Variants in HERC2 observed in about 807,000 individuals in gnomAD.
HERC2 encodes HECT and RLD domain containing E3 ubiquitin protein ligase 2.
Under a neutral mutation model 537.7 loss-of-function variants are expected in HERC2, and 102 were observed. That is an observed-to-expected ratio of 0.19 (90% confidence interval 0.16 to 0.22). The LOEUF is 0.22. HERC2 is among the 10% of genes least tolerant of loss of function. HERC2 has a pLI of 1.00. For synonymous variants in HERC2, 2,224 were observed against 2,466.2 expected (o/e 0.90, Z 2.91); for missense variants, 4,236 against 6,198.2 (o/e 0.68, Z 10.63).
chr15:28,239,379 G>A (rs1902810223), intron 23 of HERC2, among the ~76,000 whole-genome samples: 1 of 152,076 alleles, frequency 6.6e-6, no homozygotes, highest in Non-Finnish European at 1.5e-5. Context: ...GAAAACCTGA[G>A]TGGTGGTCAC....
In HERC2 at chr15:28,140,190, G is replaced by A. The variant is rs1251742399; in HGVS notation, c.12015+1242C>T. 2.0e-5 allele frequency among the ~76,000 whole-genome samples: 3 copies of A among 152,210 alleles called. No homozygotes were observed. The East Asian group carries it at 5.8e-4, about 30-fold the overall frequency. On this transcript the variant is annotated intron_variant, in intron 78 of 92. Coordinates refer to ENST00000261609, the MANE Select transcript of HERC2 (RefSeq NM_004667.6). ...AAACAGAAGGAAACATGCCTAATCT[G>A]ATCAAGGGCTTCTACTCAAACCCCA...
chr15:28,112,049 A>C lies in HERC2; in HGVS notation c.14233-14T>G. On this transcript the variant is annotated splice_polypyrimidine_tract_variant and intron_variant, in intron 92 of 92. Transcript: ENST00000261609. ...TTTATCCAACACCTGTTGAGCAGAAACATGAAGTGATTAGAAATTGAGTAC... is the reference window on the plus strand; with the variant it reads ...TTTATCCAACACCTGTTGAGCAGAACCATGAAGTGATTAGAAATTGAGTAC... 1 of 1,610,432 alleles carries C rather than the reference A, an allele frequency of 6.2e-7. No homozygotes were observed. The highest frequency in any genetic ancestry group is 1.1e-5 in the South Asian group (1 of 91,006).
intron 56 of HERC2, among the ~76,000 whole-genome samples, chr15:28,184,916 G>A (rs987844552): frequency 3.4e-4 from 1 of 2,918 alleles, no homozygotes; most frequent in African/African-American, 1.1e-3. Context: ...TAGCTACTGA[G>A]TAAGAAAATG....
chr15:28,167,322 A>T (rs1307937070), intron 68 of HERC2, among the ~76,000 whole-genome samples: 4 of 152,332 alleles, frequency 2.6e-5, no homozygotes, highest in African/African-American at 9.6e-5. Flanking sequence ...GTCTGTCAAA[A>T]CGAAGAACTG....
At chr15:28,274,596 CTG>C in intron 6 of HERC2, 149 bp from the exon 7 acceptor site, 2 of 788,692 alleles carry the variant, frequency 2.5e-6, no homozygotes, top group South Asian at 1.8e-5. Context: ...CCAGTCAATT[CTG>C]TGTTTCACGG....
chr15:28,313,047 A>G (rs1167445628), intron 2 of HERC2, among the ~76,000 whole-genome samples: 1 of 151,924 alleles, frequency 6.6e-6, no homozygotes, highest in Non-Finnish European at 1.5e-5. Flanking sequence ...AAGAGGCCCA[A>G]CTCCAAGGCT....
intron 16 of HERC2, among the ~76,000 whole-genome samples, chr15:28,258,728 A>G (rs1416345866): frequency 6.6e-6 from 1 of 152,222 alleles, no homozygotes; most frequent in Admixed American, 6.5e-5. Context: ...GGGACAAATG[A>G]CAAGACAAAA....
chr15:28,124,149 A>G lies in HERC2; in HGVS notation c.13076T>C (p.Leu4359Pro). Residue 4359 changes from leucine to proline, a missense_variant, in exon 85 of 93, where the codon CTC becomes CCC. Physicochemically the swap from Leu to Pro is moderately conservative, Grantham distance 98. This residue lies in a region of HERC2 where 189 missense variants were observed against 255.7 expected (regional missense o/e 0.74). Coordinates refer to ENST00000261609, the MANE Select transcript of HERC2 (RefSeq NM_004667.6). ...RLLLLHHLSE[L>P]FCPCIPMFDL... ...GAACATGGGGATGCAGGGGCAGAAG[A>G]GCTCGGAGAGGTGGTGCAGCAGCAG... The G allele has an allele frequency of 6.3e-7, 1 of 1,593,428 alleles. No individual in the cohort carries two copies. The highest frequency in any genetic ancestry group is 8.5e-7 in the Non-Finnish European group (1 of 1,169,874).
chr15:28,149,334 T>C (rs1490373578), intron 70 of HERC2, among the ~76,000 whole-genome samples: 1 of 142,454 alleles, frequency 7.0e-6, no homozygotes, highest in Non-Finnish European at 1.5e-5. Flanking sequence ...CACACCAACA[T>C]ACATTCTAGT....
At chr15:28,116,576 T>C in intron 88 of HERC2, 89 bp downstream of exon 88, 1 of 1,266,034 alleles carries the variant, frequency 7.9e-7, no homozygotes, top group Non-Finnish European at 1.1e-6. Flanking sequence ...TCAAGATATC[T>C]ACTGTCACTC....
rs769976494 is a variant in HERC2 at position 28,130,174 on chromosome 15, C to T, written c.12791G>A (p.Cys4264Tyr). 1 of 1,614,176 alleles carries T rather than the reference C, an allele frequency of 6.2e-7. No homozygotes were observed. Among genetic ancestry groups the T allele is most frequent in the Admixed American group, 1.7e-5 (1 of 60,036 alleles). The change falls in exon 83 of 93, where the codon TGC (cysteine) becomes TAC (tyrosine). Residue 4264 changes from cysteine (C) to tyrosine (Y), a missense_variant. Cys to Tyr is a radical substitution (Grantham distance 194, BLOSUM62 -2). This residue lies in a region of HERC2 where 189 missense variants were observed against 255.7 expected (regional missense o/e 0.74). Coordinates refer to ENST00000261609, the MANE Select transcript of HERC2 (RefSeq NM_004667.6). ...IATGSLHCVC[C>Y]TEDGEVYTWG... ...GAGCCCCTACCTACCATCCTCTGTG[C>T]AGCACACACAGTGCAGGGAGCCAGT...
chr15:28,186,586 T>C lies in HERC2; in HGVS notation c.8816A>G (p.Asn2939Ser). ...AACAAATGGTTCTCACCTTCCGCTG[T>C]TGCCTTTCTCATCCTCCTCCTCTTC... ...DNEEEEDEKG[N>S]SGSLIRKKAA... Residue 2939 changes from asparagine (N) to serine (S), a missense_variant, in exon 56 of 93, where the codon AAC (asparagine) becomes AGC (serine). By Grantham distance (46) the Asn-to-Ser change is conservative (BLOSUM62 1). This residue lies in a region of HERC2 where 606 missense variants were observed against 884.5 expected (regional missense o/e 0.69). Coordinates refer to ENST00000261609, the MANE Select transcript of HERC2 (RefSeq NM_004667.6). The C allele has an allele frequency of 6.2e-7, 1 of 1,613,900 alleles. No individual in the cohort carries two copies. The highest frequency in any genetic ancestry group is 8.5e-7 in the Non-Finnish European group (1 of 1,179,906).
intron 78 of HERC2, among the ~76,000 whole-genome samples, chr15:28,139,578 A>G (rs1301172226): frequency 1.3e-5 from 2 of 152,242 alleles, no homozygotes; most frequent in Non-Finnish European, 2.9e-5. Context: ...ACTATGAAAT[A>G]ATAAATGTGT....
Position 28,122,183 on chromosome 15 carries a change from C to T in HERC2, c.13189-754G>A, listed in dbSNP as rs73379639. On this transcript the variant is annotated intron_variant, in intron 85 of 92. Coordinates refer to ENST00000261609, the MANE Select transcript of HERC2 (RefSeq NM_004667.6). The surrounding 1 kb of genome is among the most constrained non-coding windows in gnomAD (Gnocchi z 4.1). ...AGTGCCTGGGGTGAAGACAGCAGGG[C>T]GTGGCCAAACATCAGCACCACGGTG... is the stretch of plus-strand genomic sequence containing the variant. Among the ~76,000 whole-genome samples, 11,381 of 151,868 alleles carry T rather than the reference C, an allele frequency of 0.075. 1,521 individuals carry two copies. Among genetic ancestry groups the T allele is most frequent in the African/African-American group, 0.26 (10,873 of 41,162 alleles).
rs777425437 is a variant in HERC2 at position 28,132,776 on chromosome 15, A to G, written c.12285T>C (p.Asp4095=). 2 of 1,606,732 alleles carry G rather than the reference A, an allele frequency of 1.2e-6. No homozygotes were observed. Among genetic ancestry groups the G allele is most frequent in the Non-Finnish European group, 8.5e-7 (1 of 1,176,796 alleles). ...CGCTGTGGGCTCCGCCAGCAGCAAC[A>G]TCGACCACTTCAATTCCTCTCAGAG... ...IESLRGIEVV[D]VAAGGAHSAC... Residue 4095 remains aspartate (D), a synonymous_variant, in exon 80 of 93, where the codon GAT becomes GAC. Transcript: ENST00000261609.
rs1319438765 is a variant in HERC2, at chr15:28,245,604, CAGAT to C, written c.3577+273_3577+276del. ...ACACACACACACACACACACACACA[CAGAT>C]ATATATATACACACACATATATGTA... On this transcript the variant is annotated intron_variant, in intron 23 of 92. Coordinates refer to ENST00000261609, the MANE Select transcript of HERC2 (RefSeq NM_004667.6). Among the ~76,000 whole-genome samples the C allele has an allele frequency of 5.6e-3, 732 of 131,074 alleles. 5 individuals are homozygous for C. Among genetic ancestry groups the C allele is most frequent in the Non-Finnish European group, 7.1e-3 (472 of 66,430 alleles). The allele number at this position is 131,074 out of a possible 152,430, so 86.0% of individuals were successfully genotyped here.
At chr15:28,311,677 G>A in intron 2 of HERC2, among the ~76,000 whole-genome samples, 1 of 151,938 alleles carries the variant, frequency 6.6e-6, no homozygotes, top group Non-Finnish European at 1.5e-5. Context: ...CAGGGCTAGA[G>A]ACTCAAATCT....
At chr15:28,121,568 G>T in intron 85 of HERC2, 139 bp from the exon 86 acceptor site, 1 of 719,276 alleles carries the variant, frequency 1.4e-6, no homozygotes, top group Non-Finnish European at 2.4e-6. Flanking sequence ...CTTTTCTCAA[G>T]TTGTGAGGGT....
chr15:28,167,823 A>T lies in HERC2; in HGVS notation c.10418T>A (p.Val3473Asp). The change falls in exon 68 of 93, where the codon GTT becomes GAT. Residue 3473 changes from valine (V) to aspartate (D), a missense_variant. Coordinates refer to ENST00000261609, the MANE Select transcript of HERC2 (RefSeq NM_004667.6). ...PNPWQEKREI[V>D]SSEDAVTPSA... ...GGGGGTCACTGCGTCCTCAGAGGAA[A>T]CAATCTAGTCCAAGAGTGCACAGTA... 1 of 1,612,642 alleles carries T rather than the reference A, an allele frequency of 6.2e-7. No homozygotes were observed. Among genetic ancestry groups the T allele is most frequent in the Non-Finnish European group, 8.5e-7 (1 of 1,179,636 alleles).
Sources: gnomAD v4.1 joint callset for allele counts (sites outside exome capture counted in the v4.1 genomes callset) on GRCh38, gnomAD v4.1.1 for gene constraint, gnomAD v4.1.1 regional missense constraint, Gnocchi (gnomAD v3.1) non-coding constraint, MANE v1.5 for transcripts, NCBI Gene and HGNC (gene_info 2026-07-23, HGNC 2026-07-21) for gene names.